PDE7B: variants seen among roughly 807,000 people sequenced by gnomAD.
PDE7B encodes the protein phosphodiesterase 7B.
In PDE7B, 29 loss-of-function variants were observed where a neutral mutation model predicts 56.2. The ratio of observed to expected loss-of-function variants is 0.52; its 90% CI spans 0.38 to 0.70. PDE7B has a LOEUF of 0.70. PDE7B is among the 30% of genes least tolerant of loss of function. The pLI, the probability that PDE7B is intolerant of heterozygous loss-of-function variation, is 0.00. For missense variants in PDE7B, 490 were observed against 565.0 expected (o/e 0.87, Z 1.35); for synonymous variants, 197 against 196.9 (o/e 1.00, Z 0.00).
At chr6:135,940,562 G>A (rs1774490745) in intron 1 of PDE7B, among the ~76,000 whole-genome samples, 1 of 152,174 alleles carries the variant, frequency 6.6e-6, no homozygotes, top group South Asian at 2.1e-4. Flanking sequence ...TTCTTAACAG[G>A]AGATATCTTT....
chr6:135,931,802 G>A (rs1019061831), intron 1 of PDE7B, among the ~76,000 whole-genome samples: 1 of 152,120 alleles, frequency 6.6e-6, no homozygotes, highest in Non-Finnish European at 1.5e-5. Context: ...ATACATGTGT[G>A]TACATGTGTA....
intron 1 of PDE7B, among the ~76,000 whole-genome samples, chr6:135,864,535 T>C (rs1175645828): frequency 6.6e-6 from 1 of 152,178 alleles, no homozygotes; most frequent in Non-Finnish European, 1.5e-5. Context: ...CTTATCACTT[T>C]TATTGTTTCT....
At chr6:135,931,449 A>T (rs1019958922) in intron 1 of PDE7B, among the ~76,000 whole-genome samples, 1 of 152,206 alleles carries the variant, frequency 6.6e-6, no homozygotes, top group Non-Finnish European at 1.5e-5. Flanking sequence ...ATGTTTCACT[A>T]ACAAAGGGCT....
At chr6:135,998,767 A>C (rs1368708303) in intron 2 of PDE7B, among the ~76,000 whole-genome samples, 1 of 145,500 alleles carries the variant, frequency 6.9e-6, no homozygotes, top group Admixed American at 6.8e-5. Flanking sequence ...AAATAAAAAA[A>C]AATAAAAAAT....
chr6:135,926,494 G>T (rs911079411), intron 1 of PDE7B, among the ~76,000 whole-genome samples: 2 of 151,846 alleles, frequency 1.3e-5, no homozygotes, highest in African/African-American at 4.8e-5. Context: ...CGGGTGGGGG[G>T]GGCTTAGCAA....
At chr6:135,886,370 T>C (rs1775709978) in intron 1 of PDE7B, among the ~76,000 whole-genome samples, 1 of 152,096 alleles carries the variant, frequency 6.6e-6, no homozygotes, top group South Asian at 2.1e-4. Flanking sequence ...TTAAGGAATA[T>C]TTGCAAATTT....
intron 2 of PDE7B, among the ~76,000 whole-genome samples, chr6:136,096,480 CT>C (rs201836265): frequency 0.037 from 4,116 of 110,138 alleles, 58 homozygotes; most frequent in Non-Finnish European, 0.041. Flanking sequence ...CCAATGAATG[CT>C]TTTTTTTTTT....
At chr6:135,895,477 G>T (rs554386810) in intron 1 of PDE7B, among the ~76,000 whole-genome samples, 1 of 152,060 alleles carries the variant, frequency 6.6e-6, no homozygotes, top group African/African-American at 2.4e-5. Context: ...CAACATTGCC[G>T]GGTCTACGAG....
chr6:136,180,224 T>C (rs1163402409), intron 10 of PDE7B, among the ~76,000 whole-genome samples: 1 of 152,216 alleles, frequency 6.6e-6, no homozygotes, highest in Non-Finnish European at 1.5e-5. Flanking sequence ...ACTCCTTCCT[T>C]ATTTCTTTCC....
At chr6:135,891,197 G>A (rs946038318) in intron 1 of PDE7B, among the ~76,000 whole-genome samples, 2 of 152,138 alleles carry the variant, frequency 1.3e-5, no homozygotes, top group African/African-American at 2.4e-5. Flanking sequence ...CTATAATATT[G>A]TTCTGTTTGG....
chr6:136,072,367 T>C (rs1015043841), intron 2 of PDE7B, among the ~76,000 whole-genome samples: 2 of 152,142 alleles, frequency 1.3e-5, no homozygotes, highest in Non-Finnish European at 2.9e-5. Flanking sequence ...ATTTTGTTTT[T>C]TAAGTAGAGA....
At chr6:135,903,857 G>A (rs1037927230) in intron 1 of PDE7B, among the ~76,000 whole-genome samples, 1 of 152,154 alleles carries the variant, frequency 6.6e-6, no homozygotes, top group African/African-American at 2.4e-5. Flanking sequence ...ATCCTCTATA[G>A]GGTGCCCTAG....
chr6:135,926,375 CCA>C lies in PDE7B; in HGVS notation c.22-21088_22-21087del, dbSNP rs1470003449. 1.6e-4 allele frequency among the ~76,000 whole-genome samples: 24 copies of C among 152,206 alleles called. No homozygotes were observed. The East Asian group carries it at 3.9e-3, about 25-fold the overall frequency. On this transcript the variant is annotated intron_variant, in intron 1 of 12. Transcript: ENST00000308191. The stretch of plus-strand genomic sequence containing the variant: ...GTGCTGGGATTACAGGCGTGAGCCA[CCA>C]TGCCCGGCAAACCTCTGTATTTTTT...
chr6:136,139,285 C>A (rs1778272818), intron 3 of PDE7B, among the ~76,000 whole-genome samples: 3 of 152,166 alleles, frequency 2.0e-5, no homozygotes, highest in African/African-American at 4.8e-5. Flanking sequence ...CATGTCCCTA[C>A]AAAGGACATG....
chr6:136,048,479 C>A (rs954800752), intron 2 of PDE7B, among the ~76,000 whole-genome samples: 2 of 152,082 alleles, frequency 1.3e-5, no homozygotes. Flanking sequence ...GAGATTGTGC[C>A]ATTACACTCA....
chr6:136,173,305 A>C (rs1778923636), intron 8 of PDE7B, among the ~76,000 whole-genome samples: 1 of 152,152 alleles, frequency 6.6e-6, no homozygotes, highest in Admixed American at 6.5e-5. Flanking sequence ...CAAAACAGAG[A>C]TATAGATCAA....
intron 2 of PDE7B, among the ~76,000 whole-genome samples, chr6:136,011,966 G>A (rs1415299875): frequency 1.3e-5 from 2 of 152,138 alleles, no homozygotes; most frequent in East Asian, 1.9e-4. Context: ...TTTTGTTTAT[G>A]TCTTTCTCAC....
intron 1 of PDE7B, among the ~76,000 whole-genome samples, chr6:135,898,122 G>T (rs997006313): frequency 7.2e-5 from 11 of 152,170 alleles, no homozygotes; most frequent in Admixed American, 5.9e-4. Flanking sequence ...TAAAAACATG[G>T]CTTACTTGCA....
chr6:135,968,388 A>C (rs868065969), intron 2 of PDE7B, among the ~76,000 whole-genome samples: 8 of 152,308 alleles, frequency 5.3e-5, no homozygotes, highest in African/African-American at 1.4e-4. Flanking sequence ...AATGAGAGAA[A>C]ATTTTTGCAA....
Sources: allele counts gnomAD v4.1 joint callset (sites outside exome capture counted in the v4.1 genomes callset), GRCh38; gene constraint gnomAD v4.1.1; transcripts MANE v1.5; gene names NCBI Gene and HGNC (gene_info 2026-07-23, HGNC 2026-07-21).